Variants in CCDC187 observed in about 807,000 individuals in gnomAD.
CCDC187 encodes the protein coiled-coil domain containing 187.
CCDC187 carries 32 observed loss-of-function variants against 38.0 expected under a neutral mutation model. The ratio of observed to expected loss-of-function variants is 0.84; its 90% CI spans 0.64 to 1.13. The LOEUF is 1.13. CCDC187 is among the 50% of genes most tolerant of loss of function. The pLI is 0.00. For missense variants in CCDC187, 707 were observed against 786.8 expected (o/e 0.90, Z 1.21); for synonymous variants, 333 against 347.9 (o/e 0.96, Z 0.48).
chr9:136,293,361 T>TCAAA (rs1831408164), intron 4 of CCDC187, among the ~76,000 whole-genome samples: 1 of 95,722 alleles, frequency 1.0e-5, no homozygotes, highest in African/African-American at 4.1e-5. Flanking sequence ...TCACACACAT[T>TCAAA]CACATGCTCA....
At chr9:136,260,841 G>T (rs1399837344) in intron 19 of CCDC187, among the ~76,000 whole-genome samples, 1 of 152,220 alleles carries the variant, frequency 6.6e-6, no homozygotes, top group Non-Finnish European at 1.5e-5. Flanking sequence ...CAAGGTAGAT[G>T]CAGCTGAGGG....
intron 7 of CCDC187, 72 bp downstream of exon 7, chr9:136,289,887 G>A (rs1421851936): frequency 7.7e-6 from 3 of 388,650 alleles, no homozygotes; most frequent in Non-Finnish European, 1.3e-5. Flanking sequence ...GCCCCAGAAC[G>A]CACCCAGAAC....
In CCDC187 at chr9:136,263,735, G is replaced by A. The variant is rs1037001771; in HGVS notation, c.3799C>T (p.Gln1267Ter). 1.0e-6 allele frequency: 1 copy of A among 985,492 alleles called. No homozygotes were observed. The highest frequency in any genetic ancestry group is 1.2e-6 in the Non-Finnish European group (1 of 829,944). The allele number at this position is 985,492 out of a possible 1,614,324, so 61.0% of individuals were successfully genotyped here. A position where few individuals can be genotyped will look rare whatever the true frequency, so the allele number is the denominator to read the frequency against. Residue 1267 changes from glutamine (Q) to a stop codon, truncating the protein, a stop_gained, in exon 18 of 26, where the codon CAG becomes TAG. Coordinates refer to ENST00000638797, the MANE Select transcript of CCDC187 (RefSeq NM_001378188.1). LOFTEE classifies it high-confidence loss of function. The part of the protein sequence containing the change: ...FRHRDRKLLL[Q>*]HQRDVVSMPG... ...ATGGAGACGACGTCCCTCTGATGCTGCAGAAGCAGCTTCCTGTCCCGGTGC... is the reference window on the plus strand; with the variant it reads ...ATGGAGACGACGTCCCTCTGATGCTACAGAAGCAGCTTCCTGTCCCGGTGC...
chr9:136,289,833 G>A (rs1181111590), intron 7 of CCDC187, 126 bp downstream of exon 7: 7 of 394,142 alleles, frequency 1.8e-5, no homozygotes, highest in South Asian at 1.4e-4. Context: ...GGCAGAGCCT[G>A]CCCCACCTGA....
chr9:136,301,753 G>T (rs1831690809), intron 2 of CCDC187, among the ~76,000 whole-genome samples: 1 of 151,360 alleles, frequency 6.6e-6, no homozygotes, highest in Non-Finnish European at 1.5e-5. Context: ...TGCCCAGCTA[G>T]TTTTTTTTGT....
At chr9:136,288,877 A>G (rs2131295567) in intron 7 of CCDC187, among the ~76,000 whole-genome samples, 1 of 152,378 alleles carries the variant, frequency 6.6e-6, no homozygotes, top group South Asian at 2.1e-4. Context: ...TGTGGAGAAC[A>G]GGGTGCAAGT....
chr9:136,301,670 T>C (rs1316136822), intron 2 of CCDC187, among the ~76,000 whole-genome samples: 2 of 146,866 alleles, frequency 1.4e-5, no homozygotes, highest in African/African-American at 5.1e-5. Flanking sequence ...CACTGCAAGC[T>C]CCGCCTCCTG....
intron 14 of CCDC187, among the ~76,000 whole-genome samples, 185 bp downstream of exon 14, chr9:136,274,473 C>T (rs547985633): frequency 1.8e-4 from 28 of 152,386 alleles, no homozygotes; most frequent in African/African-American, 3.8e-4. Flanking sequence ...GTCAGTCACG[C>T]GAGTGCTGGA....
At position 136,286,565 on chromosome 9, in the gene CCDC187, G is replaced by C. The variant is rs1251508978; in HGVS notation, c.2353C>G (p.Leu785Val). ...AGGTAGCGGGTGGTCAGGTCCTGGAGCTCCAGGGATCCCAGAGAGGGTGAA... is the reference window on the plus strand; with the variant it reads ...AGGTAGCGGGTGGTCAGGTCCTGGACCTCCAGGGATCCCAGAGAGGGTGAA... Reference protein sequence around the residue: ...SASPSLGSLELQDLTTRYLPR... With the variant: ...SASPSLGSLEVQDLTTRYLPR... The change falls in exon 8 of 26, where the codon CTC becomes GTC. Residue 785 changes from leucine (L) to valine (V), a missense_variant. By Grantham distance (32) the Leu-to-Val change is conservative. Coordinates refer to ENST00000638797, the MANE Select transcript of CCDC187 (RefSeq NM_001378188.1). 2.5e-6 allele frequency: 1 copy of C among 398,626 alleles called. No homozygotes were observed. The highest frequency in any genetic ancestry group is 2.1e-5 in the African/African-American group (1 of 48,624). 24.7% of individuals were successfully genotyped at this position (398,626 alleles called of 1,614,324 possible).
At position 136,258,526 on chromosome 9, in the gene CCDC187, G is replaced by A. The variant is rs1554760614; in HGVS notation, c.4366+406C>T. On this transcript the variant is annotated intron_variant, in intron 22 of 25. Transcript: ENST00000638797. The surrounding 1 kb of genome is among the most constrained non-coding windows in gnomAD (Gnocchi z 4.3). ...TCTGCTCCCGCCCCACCTGCAAATT[G>A]GGGACTTGGCTCTCGGGGGGGGCCC... Among the ~76,000 whole-genome samples the A allele has an allele frequency of 6.6e-6, 1 of 151,960 alleles. No individual in the cohort carries two copies. Among genetic ancestry groups the A allele is most frequent in the African/African-American group, 2.4e-5 (1 of 41,436 alleles).
intron 14 of CCDC187, among the ~76,000 whole-genome samples, chr9:136,274,176 C>T (rs1177279331): frequency 3.3e-5 from 5 of 152,240 alleles, no homozygotes; most frequent in African/African-American, 1.2e-4. Flanking sequence ...GAGATGGCAG[C>T]CACCTGGAGG....
At chr9:136,296,972 C>T (rs36144449) in intron 4 of CCDC187, among the ~76,000 whole-genome samples, 67,066 of 151,944 alleles carry the variant, frequency 0.44, 15,956 homozygotes, top group Middle Eastern at 0.58. Context: ...GGAAGACCCT[C>T]TCCCACCCCC....
In CCDC187 at chr9:136,262,356, G is replaced by A; in HGVS notation, c.4019C>T (p.Thr1340Ile). The A allele has an allele frequency of 2.0e-6, 2 of 986,868 alleles. No homozygotes were observed. The highest frequency in any genetic ancestry group is 2.4e-6 in the Non-Finnish European group (2 of 831,060). 61.1% of individuals were successfully genotyped at this position (986,868 alleles called of 1,614,324 possible). A position where few individuals can be genotyped will look rare whatever the true frequency, so the allele number is the denominator to read the frequency against. ...GGGGCTGCTCTGGGGGCGATGGCTGGTGGAGCTGCTGGGCCTGCATGGGGT... is the reference window on the plus strand; with the variant it reads ...GGGGCTGCTCTGGGGGCGATGGCTGATGGAGCTGCTGGGCCTGCATGGGGT... ...PLTPCRPSSS[T>I]SHRPQSSPAS... The change falls in exon 19 of 26, where the codon ACC (threonine) becomes ATC (isoleucine). Residue 1340 changes from threonine (T) to isoleucine (I), a missense_variant. Physicochemically the swap from Thr to Ile is moderately conservative, Grantham distance 89. Coordinates refer to ENST00000638797, the MANE Select transcript of CCDC187 (RefSeq NM_001378188.1).
At chr9:136,255,620 C>A in intron 25 of CCDC187, 37 bp downstream of exon 25, 1 of 944,782 alleles carries the variant, frequency 1.1e-6, no homozygotes, top group Non-Finnish European at 1.3e-6. Flanking sequence ...AGTGGGGACT[C>A]GATGGCTGAA....
chr9:136,283,579 C>T (rs1831098448), intron 9 of CCDC187, among the ~76,000 whole-genome samples: 10 of 152,218 alleles, frequency 6.6e-5, no homozygotes, highest in Non-Finnish European at 2.9e-5. Flanking sequence ...GTCTCTCTGC[C>T]GCCTCGGCAG....
At chr9:136,287,502 G>A (rs1650847535) in intron 7 of CCDC187, among the ~76,000 whole-genome samples, 1 of 152,108 alleles carries the variant, frequency 6.6e-6, no homozygotes, top group African/African-American at 2.4e-5. Context: ...CCTAGTTCCC[G>A]TTTCCTGCAC....
At position 136,292,233 on chromosome 9, in the gene CCDC187, C is replaced by G. The variant is rs896348576; in HGVS notation, c.895G>C (p.Gly299Arg). ...TGCCTGCGGAGGACGGGAGGGGGCC[C>G]AAGCAGCGACCTCACCAGAGCTTGT... The part of the protein sequence containing the change: ...KGQALVRSLL[G>R]PPPVLRRHHS... Residue 299 changes from glycine (G) to arginine (R), a missense_variant, in exon 5 of 26, where the codon GGG (glycine) becomes CGG (arginine). Gly to Arg is a moderately radical substitution (Grantham distance 125). Coordinates refer to ENST00000638797, the MANE Select transcript of CCDC187 (RefSeq NM_001378188.1). 1.0e-5 allele frequency: 4 copies of G among 398,648 alleles called. No homozygotes were observed. The highest frequency in any genetic ancestry group is 2.1e-5 in the African/African-American group (1 of 48,646). 24.7% of individuals were successfully genotyped at this position (398,648 alleles called of 1,614,324 possible). A position where few individuals can be genotyped will look rare whatever the true frequency, so the allele number is the denominator to read the frequency against.
At chr9:136,306,785 T>TTTAG (rs1172778810), upstream of CCDC187, 1 of 152,200 alleles carries the variant, frequency 6.6e-6, no homozygotes, top group East Asian at 1.9e-4. Flanking sequence ...GGGGCTGGGA[T>TTTAG]GAAAACCCCA....
At chr9:136,294,815 C>A (rs1242111695) in intron 4 of CCDC187, among the ~76,000 whole-genome samples, 3 of 152,234 alleles carry the variant, frequency 2.0e-5, no homozygotes, top group Non-Finnish European at 2.9e-5. Flanking sequence ...TGCCCCACAC[C>A]CACTTTAGGG....
Sources: gnomAD v4.1 joint callset for allele counts (sites outside exome capture counted in the v4.1 genomes callset) on GRCh38, gnomAD v4.1.1 for gene constraint, Gnocchi (gnomAD v3.1) non-coding constraint, MANE v1.5 for transcripts, NCBI Gene and HGNC (gene_info 2026-07-23, HGNC 2026-07-21) for gene names.